Variants in FARS2 observed in about 807,000 individuals in gnomAD.
The protein encoded by FARS2 is phenylalanine--tRNA ligase, mitochondrial.
A neutral mutation model predicts 46.4 loss-of-function variants in FARS2; 40 were observed. That is an observed-to-expected ratio of 0.86 (90% confidence interval 0.67 to 1.12). The LOEUF (loss-of-function observed/expected upper bound fraction) is 1.12, where lower values mean the gene tolerates loss of function less well. Among genes scored for constraint, FARS2 ranks in the 50% most tolerant of loss-of-function variants. The probability of loss-of-function intolerance (pLI) is 0.00; values close to 1 mark genes in which losing one functional copy is unlikely to be tolerated. For missense variants in FARS2, 513 were observed against 567.9 expected, an observed-to-expected ratio of 0.90 and a Z score of 0.98; for synonymous variants, 234 against 214.9, an observed-to-expected ratio of 1.09 and a Z score of -0.78.
At chr6:5,342,907 AATT>A (rs1341083302) in intron 1 of FARS2, among the ~76,000 whole-genome samples, 1 of 152,150 alleles carries the variant, frequency 6.6e-6, no homozygotes, top group East Asian at 1.9e-4. Flanking sequence ...ATGAAATGAA[AATT>A]ATTATCAGAA....
intron 5 of FARS2, among the ~76,000 whole-genome samples, chr6:5,604,730 T>C (rs73360227): frequency 0.055 from 8,387 of 152,238 alleles, 573 homozygotes; most frequent in African/African-American, 0.16. Context: ...GTATACACAG[T>C]ATATGTACAT....
intron 5 of FARS2, among the ~76,000 whole-genome samples, chr6:5,608,722 T>C (rs1208821325): frequency 6.6e-6 from 1 of 152,096 alleles, no homozygotes; most frequent in Admixed American, 6.5e-5. Flanking sequence ...ACAGTAACCA[T>C]CAGTTCACCT....
chr6:5,757,244 G>A (rs1762254416), intron 6 of FARS2, among the ~76,000 whole-genome samples: 1 of 151,870 alleles, frequency 6.6e-6, no homozygotes, highest in African/African-American at 2.4e-5. Context: ...ATGGACAACT[G>A]CAACTCAATA....
chr6:5,343,398 G>T lies in FARS2; in HGVS notation c.-21-25152G>T, dbSNP rs767231072. ...AGCTAATTTTTGTATTTTTAGTAGA[G>T]ATAGTGTTTCATCATATTGGTCAGG... On this transcript the variant is annotated intron_variant, in intron 1 of 6. Transcript: ENST00000274680. The surrounding 1 kb of genome is among the most constrained non-coding windows in gnomAD (Gnocchi z 4.5). Among the ~76,000 whole-genome samples the T allele has an allele frequency of 6.6e-6, 1 of 152,032 alleles. No individual in the cohort carries two copies. The highest frequency in any genetic ancestry group is 1.5e-5 in the Non-Finnish European group (1 of 68,026).
At chr6:5,456,744 A>AAGAAAAAG (rs1201989188) in intron 4 of FARS2, among the ~76,000 whole-genome samples, 1 of 148,980 alleles carries the variant, frequency 6.7e-6, no homozygotes, top group African/African-American at 2.6e-5. Flanking sequence ...AAAAAAAAAA[A>AAGAAAAAG]AAAAGAGATG....
At chr6:5,264,502 T>C (rs1204003339) in intron 1 of FARS2, among the ~76,000 whole-genome samples, 1 of 151,634 alleles carries the variant, frequency 6.6e-6, no homozygotes, top group East Asian at 1.9e-4. Flanking sequence ...TTTCTTTTTT[T>C]TTTTTTTTGA....
intron 6 of FARS2, among the ~76,000 whole-genome samples, chr6:5,670,609 T>C (rs1050894680): frequency 6.6e-6 from 1 of 152,230 alleles, no homozygotes; most frequent in Non-Finnish European, 1.5e-5. Flanking sequence ...GGGCAAGTTA[T>C]TACTTGTACG....
At chr6:5,462,728 A>G (rs191482957) in intron 4 of FARS2, among the ~76,000 whole-genome samples, 98 of 152,318 alleles carry the variant, frequency 6.4e-4, no homozygotes, top group Non-Finnish European at 4.3e-4. Flanking sequence ...TTTAGAATCT[A>G]TTTAAAATTG....
At chr6:5,689,359 C>G (rs1340122356) in intron 6 of FARS2, among the ~76,000 whole-genome samples, 2 of 152,060 alleles carry the variant, frequency 1.3e-5, no homozygotes, top group Non-Finnish European at 2.9e-5. Context: ...TCCCTCTACA[C>G]ACTGCTTTGA....
At chr6:5,708,083 T>C in intron 6 of FARS2, among the ~76,000 whole-genome samples, 1 of 151,998 alleles carries the variant, frequency 6.6e-6, no homozygotes, top group South Asian at 2.1e-4. Flanking sequence ...GATGAAAACA[T>C]GTGGGCCTCA....
chr6:5,445,591 T>C (rs1764137594), intron 4 of FARS2, among the ~76,000 whole-genome samples: 1 of 152,206 alleles, frequency 6.6e-6, no homozygotes, highest in Admixed American at 6.5e-5. Context: ...TATTACTGGG[T>C]GATTCTCAGA....
At chr6:5,700,030 T>A (rs1355998218) in intron 6 of FARS2, among the ~76,000 whole-genome samples, 1 of 152,194 alleles carries the variant, frequency 6.6e-6, no homozygotes, top group Non-Finnish European at 1.5e-5. Context: ...CCGAACGCTC[T>A]ATGCTTTTAT....
intron 1 of FARS2, among the ~76,000 whole-genome samples, chr6:5,275,368 A>G (rs553248009): frequency 8.5e-5 from 13 of 152,134 alleles, no homozygotes; most frequent in Non-Finnish European, 1.8e-4. Context: ...ATTATTTCTT[A>G]TGACATCTTG....
chr6:5,459,416 G>GATTTGATT (rs1765104700), intron 4 of FARS2, among the ~76,000 whole-genome samples: 1 of 151,094 alleles, frequency 6.6e-6, no homozygotes, highest in South Asian at 2.1e-4. Context: ...ATGTCTTTTC[G>GATTTGATT]ATTTGATTTT....
intron 2 of FARS2, among the ~76,000 whole-genome samples, chr6:5,371,531 G>A (rs1285901154): frequency 6.6e-6 from 1 of 151,940 alleles, no homozygotes; most frequent in Non-Finnish European, 1.5e-5. Context: ...TATTAATTGT[G>A]GAAAAAAATC....
chr6:5,458,278 G>A (rs1475140349), intron 4 of FARS2, among the ~76,000 whole-genome samples: 1 of 152,208 alleles, frequency 6.6e-6, no homozygotes, highest in Admixed American at 6.5e-5. Context: ...AGGGGTTTGT[G>A]CAAGAGCTGG....
chr6:5,351,407 T>C (rs1757564163), intron 1 of FARS2, among the ~76,000 whole-genome samples: 1 of 152,228 alleles, frequency 6.6e-6, no homozygotes, highest in Admixed American at 6.5e-5. Flanking sequence ...CTTTTCACAG[T>C]TCTATGACAA....
At chr6:5,482,605 C>T (rs1766533697) in intron 4 of FARS2, among the ~76,000 whole-genome samples, 1 of 152,140 alleles carries the variant, frequency 6.6e-6, no homozygotes, top group South Asian at 2.1e-4. Flanking sequence ...AAGTGAAGGA[C>T]ACCCTTATCC....
chr6:5,658,324 G>A (rs1777698044), intron 6 of FARS2, among the ~76,000 whole-genome samples: 1 of 151,596 alleles, frequency 6.6e-6, no homozygotes, highest in South Asian at 2.1e-4. Flanking sequence ...ATACATTGGT[G>A]GTTGTTACTG....
Sources: allele counts gnomAD v4.1 joint callset (sites outside exome capture counted in the v4.1 genomes callset), GRCh38; gene constraint gnomAD v4.1.1; non-coding constraint Gnocchi (gnomAD v3.1); transcripts MANE v1.5; gene names NCBI Gene and HGNC (gene_info 2026-07-23, HGNC 2026-07-21).